Variants in RASGRF1 observed in about 807,000 individuals in gnomAD.
RASGRF1 encodes ras-specific guanine nucleotide-releasing factor 1.
Under a neutral mutation model 138.7 loss-of-function variants are expected in RASGRF1, and 40 were observed. The observed-to-expected ratio is 0.29, with a 90% confidence interval of 0.22 to 0.38. The LOEUF (loss-of-function observed/expected upper bound fraction) is 0.38, where lower values mean the gene tolerates loss of function less well. RASGRF1 is among the 10% of genes least tolerant of loss of function. The pLI, the probability that RASGRF1 is intolerant of heterozygous loss-of-function variation, is 1.00. For missense variants in RASGRF1, 1,108 were observed against 1,650.4 expected, an observed-to-expected ratio of 0.67 and a Z score of 5.69; for synonymous variants, 614 against 663.2, an observed-to-expected ratio of 0.93 and a Z score of 1.14.
In RASGRF1 at chr15:79,020,914, C is replaced by T. The variant is rs371423643; in HGVS notation, c.1543-810G>A. ...AGAATAAATCAGAAGTGATGGTGTG[C>T]CACTTTGGAGACCACATTCTCCTGC... is the stretch of plus-strand genomic sequence containing the variant. On this transcript the variant is annotated intron_variant, in intron 10 of 26. Transcript: ENST00000558480. 1.8e-4 allele frequency among the ~76,000 whole-genome samples: 27 copies of T among 152,274 alleles called. No individual in the cohort carries two copies. The South Asian group carries it at 2.9e-3, about 16-fold the overall frequency.
chr15:78,979,472 A>G (rs1567439479), intron 24 of RASGRF1: 1 of 200,174 alleles, frequency 5.0e-6, no homozygotes. Context: ...TGAGCTATAT[A>G]GGGAACCGGG....
intron 15 of RASGRF1, among the ~76,000 whole-genome samples, 191 bp downstream of exon 15, chr15:79,003,611 C>T (rs2056593203): frequency 1.3e-5 from 2 of 152,232 alleles, no homozygotes; most frequent in Non-Finnish European, 2.9e-5. Context: ...AGCCTGGGCT[C>T]CCACATACGG....
Position 79,027,705 on chromosome 15 carries a change from G to C in RASGRF1, c.1381+36C>G. 6.3e-7 allele frequency: 1 copy of C among 1,591,980 alleles called. No homozygotes were observed. The highest frequency in any genetic ancestry group is 8.6e-7 in the Non-Finnish European group (1 of 1,161,736). On this transcript the variant is annotated intron_variant, in intron 9 of 26. Transcript: ENST00000558480. The surrounding 1 kb of genome is among the most constrained non-coding windows in gnomAD (Gnocchi z 4.8). ...TCCCTCCCGCTGCTGGGGCCCACCT[G>C]GTGGGGGCAGGGGAGACAGGGTGCA...
rs1453239804 is a variant in RASGRF1 at position 79,046,076 on chromosome 15, G to A, written c.878+670C>T. ...GTTGACAGCAGAAGAGCAGCCGTCA[G>A]CACAGCCTTCTGAAGAACCACAAGC... On this transcript the variant is annotated intron_variant, in intron 5 of 26. Transcript: ENST00000558480. The surrounding 1 kb of genome is among the most constrained non-coding windows in gnomAD (Gnocchi z 5.3). 1.3e-5 allele frequency among the ~76,000 whole-genome samples: 2 copies of A among 152,204 alleles called. No homozygotes were observed. The highest frequency in any genetic ancestry group is 1.5e-5 in the Non-Finnish European group (1 of 68,044).
chr15:79,062,823 C>T (rs190925565), intron 2 of RASGRF1, among the ~76,000 whole-genome samples: 15 of 152,192 alleles, frequency 9.9e-5, no homozygotes, highest in East Asian at 3.9e-4. Context: ...GGATTACAGG[C>T]GTGAACCACT....
chr15:79,069,602 G>T (rs1321511526), intron 1 of RASGRF1, among the ~76,000 whole-genome samples: 1 of 152,240 alleles, frequency 6.6e-6, no homozygotes, highest in Non-Finnish European at 1.5e-5. Context: ...GGGGAAGCAG[G>T]TCTTGCTGCA....
chr15:79,012,727 G>C (rs2056820291), intron 13 of RASGRF1, among the ~76,000 whole-genome samples: 1 of 152,140 alleles, frequency 6.6e-6, no homozygotes, highest in Non-Finnish European at 1.5e-5. Flanking sequence ...CTGTCACCCA[G>C]GCTGGAGTGC....
intron 24 of RASGRF1, among the ~76,000 whole-genome samples, chr15:78,977,212 C>A (rs1439183466): frequency 6.6e-6 from 1 of 152,146 alleles, no homozygotes; most frequent in Non-Finnish European, 1.5e-5. Context: ...TTCTCTCTTC[C>A]CTGTACTGCC....
chr15:78,978,970 G>A (rs963481542), intron 24 of RASGRF1: 1 of 1,289,738 alleles, frequency 7.8e-7, no homozygotes, highest in Non-Finnish European at 1.0e-6. Flanking sequence ...CGGTCAGGGT[G>A]GGGACTCAGA....
At chr15:78,985,261 A>G (rs2056127495) in intron 22 of RASGRF1, 57 bp from the exon 23 acceptor site, 2 of 1,458,922 alleles carry the variant, frequency 1.4e-6, no homozygotes, top group African/African-American at 2.8e-5. Context: ...CAAAGATGAT[A>G]AATGGTCACT....
At chr15:79,008,296 C>T (rs1215762823) in intron 13 of RASGRF1, among the ~76,000 whole-genome samples, 1 of 152,172 alleles carries the variant, frequency 6.6e-6, no homozygotes, top group African/African-American at 2.4e-5. Flanking sequence ...TTATCGAGTG[C>T]CTTCAATGAG....
At chr15:79,061,276 C>A (rs1413354095) in intron 2 of RASGRF1, among the ~76,000 whole-genome samples, 1 of 151,992 alleles carries the variant, frequency 6.6e-6, no homozygotes, top group Non-Finnish European at 1.5e-5. Context: ...CTGTGAGACC[C>A]TGGCAGAGAG....
chr15:79,070,343 G>GA (rs2057738882), intron 1 of RASGRF1, among the ~76,000 whole-genome samples: 1 of 152,034 alleles, frequency 6.6e-6, no homozygotes, highest in Non-Finnish European at 1.5e-5. Flanking sequence ...ATATAACTGG[G>GA]AAAAAAGGGA....
At chr15:79,039,427 A>C (rs1048705072) in intron 5 of RASGRF1, among the ~76,000 whole-genome samples, 2 of 151,924 alleles carry the variant, frequency 1.3e-5, no homozygotes, top group East Asian at 3.9e-4. Flanking sequence ...ATATATTTAT[A>C]AGCCTTTATA....
rs935384414 is a variant in RASGRF1 at position 78,990,028 on chromosome 15, G to A, written c.3216+161C>T. The A allele has an allele frequency of 4.5e-6, 3 of 663,434 alleles. No homozygotes were observed. In the African/African-American group the frequency reaches 5.4e-5, roughly 12 times the overall value. The allele number at this position is 663,434 out of a possible 1,614,324, so 41.1% of individuals were successfully genotyped here. A position where few individuals can be genotyped will look rare whatever the true frequency, so the allele number is the denominator to read the frequency against. On this transcript the variant is annotated intron_variant, in intron 22 of 26. Transcript: ENST00000558480. ...AATAGGAGAAGAGACTGAGACTGAGGTGAGGCAACCAGCCCGAGGCCACAT... is the reference window on the plus strand; with the variant it reads ...AATAGGAGAAGAGACTGAGACTGAGATGAGGCAACCAGCCCGAGGCCACAT...
chr15:79,050,308 T>C lies in RASGRF1; in HGVS notation c.532-720A>G, dbSNP rs146584391. ...GCATAATGTCCTCAAGTTTCTTCCATGTTGCAGCGTGGGTCAATTTCCTTC... is the reference window on the plus strand; with the variant it reads ...GCATAATGTCCTCAAGTTTCTTCCACGTTGCAGCGTGGGTCAATTTCCTTC... On this transcript the variant is annotated intron_variant, in intron 3 of 26. Coordinates refer to ENST00000558480, the MANE Select transcript of RASGRF1 (RefSeq NM_001145648.3). The surrounding 1 kb of genome is among the most constrained non-coding windows in gnomAD (Gnocchi z 4.1). Among the ~76,000 whole-genome samples, 127 of 152,348 alleles carry C rather than the reference T, an allele frequency of 8.3e-4. No homozygotes were observed. The highest frequency in any genetic ancestry group is 2.9e-3 in the African/African-American group (120 of 41,576).
At chr15:79,012,440 C>G (rs1200634374) in intron 13 of RASGRF1, 2 of 1,011,264 alleles carry the variant, frequency 2.0e-6, no homozygotes, top group Non-Finnish European at 2.9e-6. Context: ...CTCTCTATGT[C>G]TCTCTCTCTC....
At position 79,027,891 on chromosome 15, in the gene RASGRF1, C is replaced by CAGGCT; in HGVS notation, c.1263-37_1263-33dup. The CAGGCT allele has an allele frequency of 1.2e-6, 2 of 1,607,656 alleles. No individual in the cohort carries two copies. Among genetic ancestry groups the CAGGCT allele is most frequent in the Non-Finnish European group, 1.7e-6 (2 of 1,174,294 alleles). On this transcript the variant is annotated intron_variant, in intron 8 of 26. Coordinates refer to ENST00000558480, the MANE Select transcript of RASGRF1 (RefSeq NM_001145648.3). This position sits in a 1 kb window ranked among gnomAD's most constrained non-coding sequence, Gnocchi z 4.8. ...GGATGGGAAACTGCACAGTCAGAGA[C>CAGGCT]AGGCTGCCCCTACTTCCCAGGGAGG...
At chr15:79,031,619 A>G (rs1595920400) in intron 7 of RASGRF1, 110 bp from the exon 8 acceptor site, 4 of 187,774 alleles carry the variant, frequency 2.1e-5, no homozygotes, top group South Asian at 5.9e-5. Context: ...AAAGAGGGAG[A>G]GGGAGAGGGA....
Sources: gnomAD v4.1 joint callset for allele counts (sites outside exome capture counted in the v4.1 genomes callset) on GRCh38, gnomAD v4.1.1 for gene constraint, Gnocchi (gnomAD v3.1) non-coding constraint, MANE v1.5 for transcripts, NCBI Gene and HGNC (gene_info 2026-07-23, HGNC 2026-07-21) for gene names.